Variants in CYBRD1 observed in about 807,000 individuals in gnomAD.
CYBRD1 encodes the protein cytochrome b reductase 1, also known as plasma membrane ascorbate-dependent reductase CYBRD1.
Under a neutral mutation model 21.9 loss-of-function variants are expected in CYBRD1, and 14 were observed. The ratio of observed to expected loss-of-function variants is 0.64; its 90% confidence interval spans 0.42 to 1.00. CYBRD1 has a LOEUF of 1.00. CYBRD1 is among the 50% of genes least tolerant of loss of function. The pLI, the probability that CYBRD1 is intolerant of heterozygous loss-of-function variation, is 0.00. For missense variants in CYBRD1, 328 were observed against 352.5 expected, an observed-to-expected ratio of 0.93 and a Z score of 0.56; for synonymous variants, 146 against 136.5, an observed-to-expected ratio of 1.07 and a Z score of -0.48.
chr2:171,550,819 A>C (rs1339766822), intron 2 of CYBRD1, among the ~76,000 whole-genome samples: 1 of 152,136 alleles, frequency 6.6e-6, no homozygotes, highest in African/African-American at 2.4e-5. Flanking sequence ...ATGAGAGAAA[A>C]CAGAAAGAAT....
intron 2 of CYBRD1, among the ~76,000 whole-genome samples, chr2:171,549,644 C>A (rs115682315): frequency 6.6e-5 from 10 of 152,288 alleles, no homozygotes; most frequent in African/African-American, 2.4e-4. Flanking sequence ...GGCTTATTCC[C>A]TTTAGGCTTT....
chr2:171,541,664 A>T lies in CYBRD1; in HGVS notation c.273A>T (p.Ala91=). 1 of 1,613,832 alleles carries T rather than the reference A, an allele frequency of 6.2e-7. No homozygotes were observed. Among genetic ancestry groups the T allele is most frequent in the African/African-American group, 1.3e-5 (1 of 74,954 alleles). Residue 91 remains alanine, a synonymous_variant, in exon 2 of 4, where the codon GCA becomes GCT. Coordinates refer to ENST00000321348, the MANE Select transcript of CYBRD1 (RefSeq NM_024843.4). ...LMKSIHAGLN[A]VAAILAIISV... ...AATCCATCCATGCAGGGTTAAATGCAGTTGCTGCCATTCTTGCAATTATCT... is the reference window on the plus strand; with the variant it reads ...AATCCATCCATGCAGGGTTAAATGCTGTTGCTGCCATTCTTGCAATTATCT...
chr2:171,553,396 C>T lies in CYBRD1; in HGVS notation c.453C>T (p.Leu151=), dbSNP rs1403575897. ...TGCTTCCATGGGCTCCGCTTTCTCT[C>T]CGAGCATTTCTCATGCCCATACATG... The part of the protein sequence containing the change: ...VFLLPWAPLS[L]RAFLMPIHVY... Residue 151 remains leucine, a synonymous_variant, in exon 3 of 4, where the codon CTC becomes CTT. Transcript: ENST00000321348. The T allele has an allele frequency of 2.5e-6, 4 of 1,613,762 alleles. No homozygotes were observed. In the East Asian group the frequency reaches 8.9e-5, roughly 36 times the overall value.
chr2:171,530,063 G>T (rs1469762417), intron 1 of CYBRD1, among the ~76,000 whole-genome samples: 4 of 152,164 alleles, frequency 2.6e-5, no homozygotes, highest in African/African-American at 7.2e-5. Context: ...CAGAGAAGAA[G>T]GCTATGTGAA....
rs1403583079 is a variant in CYBRD1 at position 171,554,618 on chromosome 2, A to G, written c.652A>G (p.Ile218Val). Residue 218 changes from isoleucine (I) to valine (V), a missense_variant, in exon 4 of 4, where the codon ATA becomes GTA. Transcript: ENST00000321348. ...ILVFGALIFW[I>V]VTRPQWKRPK... ...GGTGTTCGGGGCCCTCATTTTTTGGATAGTCACCAGACCGCAATGGAAACG... is the reference window on the plus strand; with the variant it reads ...GGTGTTCGGGGCCCTCATTTTTTGGGTAGTCACCAGACCGCAATGGAAACG... 5.6e-6 allele frequency: 9 copies of G among 1,613,968 alleles called. No homozygotes were observed. Among genetic ancestry groups the G allele is most frequent in the Non-Finnish European group, 7.6e-6 (9 of 1,179,950 alleles).
Position 171,541,752 on chromosome 2 carries a change from A to T in CYBRD1, c.361A>T (p.Ser121Cys). ...TATAGCCAATATGTACAGTCTGCACAGCTGGGTTGGACTGATAGCTGTCAT... is the reference window on the plus strand; with the variant it reads ...TATAGCCAATATGTACAGTCTGCACTGCTGGGTTGGACTGATAGCTGTCAT... ...NNIANMYSLH[S>C]WVGLIAVICY... is the part of the protein sequence containing the mutation. The change falls in exon 2 of 4, where the codon AGC (serine) becomes TGC (cysteine). Residue 121 changes from serine (S) to cysteine (C), a missense_variant. Transcript: ENST00000321348. 1.2e-6 allele frequency: 2 copies of T among 1,613,914 alleles called. No homozygotes were observed. The highest frequency in any genetic ancestry group is 1.7e-6 in the Non-Finnish European group (2 of 1,180,014).
At chr2:171,546,912 G>A (rs1180040755) in intron 2 of CYBRD1, among the ~76,000 whole-genome samples, 8 of 152,178 alleles carry the variant, frequency 5.3e-5, no homozygotes. Context: ...ATGAATTGGA[G>A]GCTGGACAGG....
At chr2:171,544,158 G>A (rs1697676877) in intron 2 of CYBRD1, among the ~76,000 whole-genome samples, 1 of 152,006 alleles carries the variant, frequency 6.6e-6, no homozygotes, top group African/African-American at 2.4e-5. Flanking sequence ...TTTCACTTGT[G>A]TTTTATCTTC....
intron 1 of CYBRD1, among the ~76,000 whole-genome samples, chr2:171,539,231 C>A (rs1328078507): frequency 6.6e-6 from 1 of 152,124 alleles, no homozygotes; most frequent in Non-Finnish European, 1.5e-5. Flanking sequence ...TGCCTGTAAT[C>A]CCAGCACTTT....
At chr2:171,546,449 C>T (rs1008849740) in intron 2 of CYBRD1, among the ~76,000 whole-genome samples, 3 of 152,178 alleles carry the variant, frequency 2.0e-5, no homozygotes, top group African/African-American at 7.2e-5. Flanking sequence ...ACATTTTCCA[C>T]TTCTACTATT....
At chr2:171,532,873 C>T (rs1574434607) in intron 1 of CYBRD1, among the ~76,000 whole-genome samples, 5 of 101,398 alleles carry the variant, frequency 4.9e-5, no homozygotes, top group African/African-American at 4.3e-5. Context: ...AACCATTTCA[C>T]GATGTGTGTG....
chr2:171,530,441 C>T (rs997937737), intron 1 of CYBRD1, among the ~76,000 whole-genome samples: 2 of 152,190 alleles, frequency 1.3e-5, no homozygotes, highest in Non-Finnish European at 2.9e-5. Context: ...CCAGCGTTGC[C>T]TAATAACTGG....
chr2:171,532,799 TC>T (rs2105333036), intron 1 of CYBRD1, among the ~76,000 whole-genome samples: 1 of 150,864 alleles, frequency 6.6e-6, no homozygotes, highest in African/African-American at 2.4e-5. Flanking sequence ...AGACTCTGTC[TC>T]AAAAAAAAAG....
chr2:171,547,304 A>G (rs1176799961), intron 2 of CYBRD1, among the ~76,000 whole-genome samples: 3 of 152,150 alleles, frequency 2.0e-5, no homozygotes, highest in Admixed American at 6.5e-5. Context: ...CCAGACTGCA[A>G]TGGATTGAAG....
chr2:171,528,635 A>G (rs181018094), intron 1 of CYBRD1, among the ~76,000 whole-genome samples: 11 of 152,212 alleles, frequency 7.2e-5, no homozygotes, highest in Admixed American at 5.9e-4. Flanking sequence ...TTTAAGTACT[A>G]TCTATACACT....
chr2:171,547,619 T>G (rs985080415), intron 2 of CYBRD1, among the ~76,000 whole-genome samples: 16 of 152,104 alleles, frequency 1.1e-4, no homozygotes, highest in African/African-American at 3.9e-4. Context: ...GGACATAATC[T>G]CCAATGTAAT....
chr2:171,542,047 A>G (rs56412116), intron 2 of CYBRD1, among the ~76,000 whole-genome samples: 25,046 of 151,346 alleles, frequency 0.17, 2,698 homozygotes, highest in East Asian at 0.56. Flanking sequence ...GTATTTTAGT[A>G]GAGATGGGGT....
intron 1 of CYBRD1, among the ~76,000 whole-genome samples, chr2:171,535,403 A>G (rs999339597): frequency 2.6e-5 from 4 of 152,210 alleles, no homozygotes; most frequent in Non-Finnish European, 5.9e-5. Flanking sequence ...CGTGCAGCCA[A>G]TTTGCGTAAA....
rs188360446 is a variant in CYBRD1 at position 171,539,130 on chromosome 2, A to G, written c.194-2455A>G. Among the ~76,000 whole-genome samples the G allele has an allele frequency of 1.2e-3, 184 of 152,166 alleles. 3 individuals carry two copies. The highest frequency in any genetic ancestry group is 0.011 in the East Asian group (56 of 5,160). ...CACTGCGCCTGGCCTGAAGTTTTAT[A>G]TATTAAAATTATAAAAGCCTTTGGT... On this transcript the variant is annotated intron_variant, in intron 1 of 3. Transcript: ENST00000321348.
Sources: gnomAD v4.1 joint callset for allele counts (sites outside exome capture counted in the v4.1 genomes callset) on GRCh38, gnomAD v4.1.1 for gene constraint, MANE v1.5 for transcripts, NCBI Gene and HGNC (gene_info 2026-07-23, HGNC 2026-07-21) for gene names.